The following CCDC171 variants were observed in gnomAD, a reference collection of about 807,000 sequenced individuals.
CCDC171 encodes coiled-coil domain containing 171.
CCDC171 carries 177 observed loss-of-function variants against 168.2 expected under a neutral mutation model. The ratio of observed to expected loss-of-function variants is 1.05; its 90% CI spans 0.93 to 1.19. The LOEUF is 1.19. CCDC171 is among the 50% of genes most tolerant of loss of function. The probability of loss-of-function intolerance (pLI) is 0.00; values close to 1 mark genes in which losing one functional copy is unlikely to be tolerated. For synonymous variants in CCDC171, 687 were observed against 540.8 expected, an observed-to-expected ratio of 1.27 and a Z score of -3.75; for missense variants, 1,991 against 1,539.0, an observed-to-expected ratio of 1.29 and a Z score of -4.91.
intron 3 of CCDC171, among the ~76,000 whole-genome samples, chr9:15,983,274 A>T (rs1381302383): frequency 1.3e-5 from 2 of 152,106 alleles, no homozygotes; most frequent in African/African-American, 4.8e-5. Flanking sequence ...AGCCACAGAG[A>T]ACTGGAAACA....
At chr9:15,986,140 G>A (rs1472440992) in intron 3 of CCDC171, among the ~76,000 whole-genome samples, 2 of 152,210 alleles carry the variant, frequency 1.3e-5, no homozygotes, top group Admixed American at 1.3e-4. Context: ...CCTCATTGCT[G>A]TGAGTCTTAA....
At chr9:15,571,858 C>A (rs950665365) in intron 3 of CCDC171, 99 bp downstream of exon 3, 4 of 1,073,550 alleles carry the variant, frequency 3.7e-6, no homozygotes, top group Non-Finnish European at 5.3e-6. Context: ...TATAACTATA[C>A]CATTCTTGGG....
At chr9:16,092,689 A>G in the CCDC171 span, among the ~76,000 whole-genome samples, 1 of 152,222 alleles carries the variant, frequency 6.6e-6, no homozygotes, top group Admixed American at 6.5e-5. Context: ...GCTCTGAGGC[A>G]GATCTGAGGA....
intron 24 of CCDC171, among the ~76,000 whole-genome samples, chr9:15,916,103 GAAAT>G (rs754401358): frequency 1.3e-3 from 203 of 151,812 alleles, no homozygotes; most frequent in African/African-American, 4.5e-3. Flanking sequence ...TTATCAAAGA[GAAAT>G]AAATATTTAA....
At chr9:15,615,242 T>A (rs2043995972) in intron 6 of CCDC171, among the ~76,000 whole-genome samples, 1 of 152,190 alleles carries the variant, frequency 6.6e-6, no homozygotes, top group Non-Finnish European at 1.5e-5. Flanking sequence ...TCTAACTCAA[T>A]GTAGTCAGTT....
chr9:15,687,211 T>C (rs2050457276), intron 10 of CCDC171, among the ~76,000 whole-genome samples: 1 of 151,710 alleles, frequency 6.6e-6, no homozygotes, highest in Non-Finnish European at 1.5e-5. Context: ...TTGAGATGAG[T>C]GAAATAAAAA....
rs752114549 is a variant in CCDC171 at position 15,579,035 on chromosome 9, T to G, written c.352+12T>G. ...AGAAAAACTCTGTGGTAAGACTGTTTCTATTTCTTCCCAAGTTTAGGGTTG... is the reference window on the plus strand; with the variant it reads ...AGAAAAACTCTGTGGTAAGACTGTTGCTATTTCTTCCCAAGTTTAGGGTTG... On this transcript the variant is annotated intron_variant, in intron 4 of 25. Transcript: ENST00000380701. 16 of 1,609,256 alleles carry G rather than the reference T, an allele frequency of 9.9e-6. No individual in the cohort carries two copies. In the Admixed American group the frequency reaches 2.7e-4, roughly 27 times the overall value.
chr9:15,751,871 A>G (rs995747452), intron 18 of CCDC171, among the ~76,000 whole-genome samples: 26 of 152,342 alleles, frequency 1.7e-4, no homozygotes, highest in African/African-American at 6.3e-4. Flanking sequence ...TGACTATAAC[A>G]CCAAAAGCAA....
intron 8 of CCDC171, among the ~76,000 whole-genome samples, chr9:15,661,574 T>C (rs971955299): frequency 7.2e-5 from 11 of 152,220 alleles, no homozygotes; most frequent in Admixed American, 3.9e-4. Flanking sequence ...ATGAGGTACA[T>C]CTACTACCTT....
intron 3 of CCDC171, among the ~76,000 whole-genome samples, chr9:16,003,669 A>T (rs1832618426): frequency 6.6e-6 from 1 of 152,232 alleles, no homozygotes; most frequent in Non-Finnish European, 1.5e-5. Context: ...TCATTATTTG[A>T]CAATGAAACT....
At chr9:15,908,557 A>G (rs993903517) in intron 24 of CCDC171, among the ~76,000 whole-genome samples, 1 of 152,156 alleles carries the variant, frequency 6.6e-6, no homozygotes, top group African/African-American at 2.4e-5. Context: ...CTAATGTTAA[A>G]TGATTAGTTA....
chr9:15,708,816 A>C (rs190956715), intron 11 of CCDC171, among the ~76,000 whole-genome samples: 1 of 152,308 alleles, frequency 6.6e-6, no homozygotes, highest in Admixed American at 6.5e-5. Context: ...TGAAAAATAT[A>C]ATAGGAACTG....
chr9:15,878,367 A>C (rs900601736), intron 24 of CCDC171, among the ~76,000 whole-genome samples: 1 of 149,840 alleles, frequency 6.7e-6, no homozygotes, highest in Non-Finnish European at 1.5e-5. Flanking sequence ...CAGGAGTATG[A>C]AAAAAAAAAC....
intron 6 of CCDC171, among the ~76,000 whole-genome samples, chr9:15,596,831 T>C (rs1035663687): frequency 1.4e-4 from 22 of 152,250 alleles, no homozygotes; most frequent in African/African-American, 5.1e-4. Flanking sequence ...TGAGCAGTGG[T>C]TTGTAGTTCT....
intron 7 of CCDC171, among the ~76,000 whole-genome samples, chr9:15,645,505 G>T (rs2046967726): frequency 6.6e-6 from 1 of 152,162 alleles, no homozygotes; most frequent in Non-Finnish European, 1.5e-5. Context: ...TTGAAAAAAG[G>T]TTGGACGAAT....
chr9:15,764,361 C>T (rs2056610840), intron 18 of CCDC171, among the ~76,000 whole-genome samples: 1 of 152,128 alleles, frequency 6.6e-6, no homozygotes, highest in Non-Finnish European at 1.5e-5. Context: ...AGTAAGGGTG[C>T]AGTGTTCTAA....
chr9:15,605,785 C>G (rs1389184326), intron 6 of CCDC171, among the ~76,000 whole-genome samples: 1 of 151,926 alleles, frequency 6.6e-6, no homozygotes, highest in African/African-American at 2.4e-5. Flanking sequence ...CTCCTCATGT[C>G]AGGATATAGA....
chr9:15,666,060 C>T lies in CCDC171; in HGVS notation c.916-103C>T, dbSNP rs796534801. The T allele has an allele frequency of 6.7e-5, 66 of 981,452 alleles. No homozygotes were observed. In the African/African-American group the frequency reaches 8.6e-4, roughly 13 times the overall value. 60.8% of individuals were successfully genotyped at this position (981,452 alleles called of 1,614,324 possible). A position where few individuals can be genotyped will look rare whatever the true frequency, so the allele number is the denominator to read the frequency against. ...AAGCCAAAGCAGAAAGAAAGAAGTG[C>T]TTGGATGAATGATAATCTGTTACTG... is the stretch of plus-strand genomic sequence containing the variant. On this transcript the variant is annotated intron_variant, in intron 8 of 25. Coordinates refer to ENST00000380701, the MANE Select transcript of CCDC171 (RefSeq NM_173550.4).
At chr9:15,641,945 C>G (rs1329994004) in intron 7 of CCDC171, among the ~76,000 whole-genome samples, 1 of 152,132 alleles carries the variant, frequency 6.6e-6, no homozygotes, top group African/African-American at 2.4e-5. Context: ...GGGCGGATCA[C>G]TTGAGGTCAA....
Sources: gnomAD v4.1 joint callset for allele counts (sites outside exome capture counted in the v4.1 genomes callset) on GRCh38, gnomAD v4.1.1 for gene constraint, MANE v1.5 for transcripts, NCBI Gene and HGNC (gene_info 2026-07-23, HGNC 2026-07-21) for gene names.